RNF217: variants seen among roughly 807,000 people sequenced by gnomAD.
RNF217 encodes ring finger protein 217, also known as E3 ubiquitin-protein ligase RNF217.
RNF217 carries 31 observed loss-of-function variants against 57.8 expected under a neutral mutation model. The ratio of observed to expected loss-of-function variants is 0.54; its 90% CI spans 0.40 to 0.72. The LOEUF (loss-of-function observed/expected upper bound fraction) is 0.72, where lower values mean the gene tolerates loss of function less well. RNF217 is among the 30% of genes least tolerant of loss of function. The pLI, the probability that RNF217 is intolerant of heterozygous loss-of-function variation, is 0.00. For missense variants in RNF217, 696 were observed against 708.3 expected (o/e 0.98, Z 0.20); for synonymous variants, 313 against 294.0 (o/e 1.06, Z -0.66).
In RNF217 at chr6:125,088,832, ACT is replaced by A. The variant is rs534063637; in HGVS notation, c.*5898_*5899del. On this transcript the variant is annotated 3_prime_UTR_variant, in exon 6 of 6. Coordinates refer to ENST00000521654, the MANE Select transcript of RNF217 (RefSeq NM_001286398.3). ...TTTCAGTTCTGTGCTATATTCTGTC[ACT>A]CTATTCCATTATTAATACTAAATGA... is the stretch of plus-strand genomic sequence containing the variant. 1,401 of 152,566 alleles carry A rather than the reference ACT, an allele frequency of 9.2e-3. 14 individuals carry two copies. The highest frequency in any genetic ancestry group is 0.017 in the Middle Eastern group (5 of 294). 9.5% of individuals were successfully genotyped at this position (152,566 alleles called of 1,614,324 possible).
chr6:125,050,326 A>G (rs1055635671), intron 2 of RNF217, among the ~76,000 whole-genome samples: 14 of 152,028 alleles, frequency 9.2e-5, no homozygotes, highest in Middle Eastern at 3.4e-3. Flanking sequence ...TCTTCCCACA[A>G]ATGTTAAGCA....
chr6:124,965,741 A>G (rs889707231), intron 1 of RNF217, among the ~76,000 whole-genome samples: 15 of 152,146 alleles, frequency 9.9e-5, no homozygotes, highest in African/African-American at 2.7e-4. Context: ...TTTCAGGGCT[A>G]TATTCAAATG....
At chr6:124,970,371 TGTG>T (rs1477784235) in intron 1 of RNF217, among the ~76,000 whole-genome samples, 4 of 152,134 alleles carry the variant, frequency 2.6e-5, no homozygotes, top group Non-Finnish European at 4.4e-5. Context: ...TGGAATATAT[TGTG>T]AAGTTAGAAC....
intron 5 of RNF217, 144 bp from the exon 6 acceptor site, chr6:125,082,720 T>A (rs524695): frequency 2.4e-6 from 3 of 1,239,196 alleles, no homozygotes; most frequent in Non-Finnish European, 3.4e-6. Context: ...GAATGAAATA[T>A]TGAAGAAGTA....
At chr6:124,995,787 T>C (rs1235043125) in intron 1 of RNF217, among the ~76,000 whole-genome samples, 2 of 152,052 alleles carry the variant, frequency 1.3e-5, no homozygotes, top group Non-Finnish European at 2.9e-5. Flanking sequence ...CTGGGCGTGG[T>C]GATGGACTTC....
At position 125,046,381 on chromosome 6, in the gene RNF217, A is replaced by G. The variant is rs1033321524; in HGVS notation, c.1116+937A>G. On this transcript the variant is annotated intron_variant, in intron 2 of 5. Transcript: ENST00000521654. ...CCAGACAGAAGTCTGGTTTGAAACC[A>G]AGGCAACAACTGTGACAGCAGAGCA... Among the ~76,000 whole-genome samples, 26 of 152,198 alleles carry G rather than the reference A, an allele frequency of 1.7e-4. 1 individual carries two copies. Among genetic ancestry groups the G allele is most frequent in the Middle Eastern group, 3.4e-3 (1 of 294 alleles).
chr6:125,035,693 T>C (rs1272836435), intron 1 of RNF217, among the ~76,000 whole-genome samples: 1 of 152,190 alleles, frequency 6.6e-6, no homozygotes, highest in African/African-American at 2.4e-5. Flanking sequence ...GTTATGGTTT[T>C]TTAATGTCAT....
At chr6:125,057,625 A>G (rs1340276603) in intron 2 of RNF217, among the ~76,000 whole-genome samples, 1 of 152,144 alleles carries the variant, frequency 6.6e-6, no homozygotes, top group Non-Finnish European at 1.5e-5. Context: ...GAGTGTGTGG[A>G]TTTGGGGCCT....
intron 1 of RNF217, 99 bp downstream of exon 1, chr6:124,963,525 C>A: frequency 7.5e-7 from 1 of 1,333,070 alleles, no homozygotes; most frequent in East Asian, 2.6e-5. Context: ...AAGAGGTGAC[C>A]GACACACTTA....
intron 1 of RNF217, among the ~76,000 whole-genome samples, chr6:125,043,717 G>A (rs1024912512): frequency 3.4e-4 from 51 of 152,050 alleles, no homozygotes; most frequent in South Asian, 1.2e-3. Flanking sequence ...TAATAGCATC[G>A]TAACACTGTA....
At chr6:125,016,764 T>C (rs562210253) in intron 1 of RNF217, among the ~76,000 whole-genome samples, 1 of 142,186 alleles carries the variant, frequency 7.0e-6, no homozygotes, top group African/African-American at 2.7e-5. Context: ...GAGGGGAACA[T>C]CACACACCGG....
chr6:125,060,378 C>CAT (rs1562490249), intron 3 of RNF217, among the ~76,000 whole-genome samples: 1 of 151,884 alleles, frequency 6.6e-6, no homozygotes, highest in Non-Finnish European at 1.5e-5. Flanking sequence ...CACACACACA[C>CAT]ACATATATAT....
At chr6:125,053,684 G>T (rs971904249) in intron 2 of RNF217, among the ~76,000 whole-genome samples, 1 of 151,960 alleles carries the variant, frequency 6.6e-6, no homozygotes, top group African/African-American at 2.4e-5. Flanking sequence ...ATTTTCTTAG[G>T]GCAGGTGAGT....
In RNF217 at chr6:125,084,970, A is replaced by G. The variant is rs1039420077; in HGVS notation, c.*2033A>G. ...TGAACTTAGGCATTAGTTTGGCAAT[A>G]TGTGAATATGATGAACTCTAAACCT... On this transcript the variant is annotated 3_prime_UTR_variant, in exon 6 of 6. Coordinates refer to ENST00000521654, the MANE Select transcript of RNF217 (RefSeq NM_001286398.3). The G allele has an allele frequency of 2.6e-5, 4 of 151,894 alleles. No individual in the cohort carries two copies. Among genetic ancestry groups the G allele is most frequent in the African/African-American group, 9.7e-5 (4 of 41,412 alleles). The allele number at this position is 151,894 out of a possible 1,614,324, so 9.4% of individuals were successfully genotyped here. A position where few individuals can be genotyped will look rare whatever the true frequency, so the allele number is the denominator to read the frequency against.
chr6:125,037,020 G>A (rs1786657301), intron 1 of RNF217, among the ~76,000 whole-genome samples: 1 of 150,848 alleles, frequency 6.6e-6, no homozygotes. Context: ...AAGACAGGGT[G>A]GCGATTCTTC....
At chr6:124,998,595 C>A (rs1410051209) in intron 1 of RNF217, among the ~76,000 whole-genome samples, 2 of 152,134 alleles carry the variant, frequency 1.3e-5, no homozygotes, top group African/African-American at 4.8e-5. Context: ...GTCAGGAGAT[C>A]AAGACCATCC....
At chr6:125,064,379 A>C (rs1226824404) in intron 3 of RNF217, among the ~76,000 whole-genome samples, 1 of 152,138 alleles carries the variant, frequency 6.6e-6, no homozygotes, top group Non-Finnish European at 1.5e-5. Context: ...ACTTTGGAGG[A>C]TATTAACTAC....
At chr6:125,048,245 C>T in intron 2 of RNF217, 1 of 1,354,030 alleles carries the variant, frequency 7.4e-7, no homozygotes, top group Non-Finnish European at 9.8e-7. Flanking sequence ...GATCTTTGTT[C>T]TTTGTGATGA....
intron 1 of RNF217, among the ~76,000 whole-genome samples, chr6:124,967,912 G>A (rs540492078): frequency 1.3e-5 from 2 of 152,160 alleles, no homozygotes; most frequent in East Asian, 3.9e-4. Flanking sequence ...CTGAGTAGCT[G>A]GGATTACAGG....
Sources: gnomAD v4.1 joint callset for allele counts (sites outside exome capture counted in the v4.1 genomes callset) on GRCh38, gnomAD v4.1.1 for gene constraint, MANE v1.5 for transcripts, NCBI Gene and HGNC (gene_info 2026-07-23, HGNC 2026-07-21) for gene names.